The following CHTOP variants were observed in gnomAD, a reference collection of about 807,000 sequenced individuals.
CHTOP encodes chromatin target of PRMT1 protein.
Under a neutral mutation model 33.6 loss-of-function variants are expected in CHTOP, and 18 were observed. That is an observed-to-expected ratio of 0.54 (90% CI 0.37 to 0.80). The LOEUF is 0.80. Ranked by LOEUF, CHTOP falls within the 30% of genes least tolerant of loss-of-function variation. The probability of loss-of-function intolerance (pLI) is 0.00; values close to 1 mark genes in which losing one functional copy is unlikely to be tolerated. For synonymous variants in CHTOP, 117 were observed against 127.7 expected (o/e 0.92, Z 0.56); for missense variants, 263 against 336.8 (o/e 0.78, Z 1.71).
chr1:153,644,920 T>C, intron 5 of CHTOP, 144 bp from the exon 6 acceptor site: 2 of 661,834 alleles, frequency 3.0e-6, no homozygotes, highest in Non-Finnish European at 2.5e-6. Flanking sequence ...CCATTGTGTT[T>C]CCTTTTTTTC....
intron 3 of CHTOP, among the ~76,000 whole-genome samples, chr1:153,639,029 C>G (rs959422399): frequency 6.6e-6 from 1 of 152,010 alleles, no homozygotes; most frequent in Non-Finnish European, 1.5e-5. Flanking sequence ...TAAAGGTGCC[C>G]GCCACCACAC....
chr1:153,635,489 CATAT>C (rs1668342782), intron 1 of CHTOP, among the ~76,000 whole-genome samples: 1 of 151,268 alleles, frequency 6.6e-6, no homozygotes, highest in African/African-American at 2.4e-5. Flanking sequence ...TTGGATAAGT[CATAT>C]GTAGTCAAGG....
chr1:153,644,110 C>A (rs1668718770), intron 5 of CHTOP: 1 of 152,162 alleles, frequency 6.6e-6, no homozygotes, highest in Non-Finnish European at 1.5e-5. Flanking sequence ...ACTATTGAAG[C>A]CCCTGTGTAT....
intron 3 of CHTOP, among the ~76,000 whole-genome samples, chr1:153,640,736 A>G (rs1399242299): frequency 1.3e-5 from 2 of 152,194 alleles, no homozygotes; most frequent in Non-Finnish European, 2.9e-5. Context: ...GTGTCACTGC[A>G]CTTCAGCCTG....
chr1:153,639,478 C>T, intron 3 of CHTOP: 2 of 790,610 alleles, frequency 2.5e-6, no homozygotes, highest in Non-Finnish European at 3.1e-6. Context: ...CATTGCATGG[C>T]TATGCATAAA....
intron 1 of CHTOP, among the ~76,000 whole-genome samples, chr1:153,635,844 C>T (rs566387167): frequency 6.6e-6 from 1 of 151,820 alleles, no homozygotes; most frequent in Non-Finnish European, 1.5e-5. Context: ...AAGCCAGACT[C>T]CATACTTTGA....
chr1:153,636,314 T>TGGG (rs937757801), intron 1 of CHTOP, among the ~76,000 whole-genome samples: 2 of 148,106 alleles, frequency 1.4e-5, no homozygotes, highest in African/African-American at 5.0e-5. Flanking sequence ...ATCCCAACAC[T>TGGG]GGGAGGCCAA....
intron 1 of CHTOP, among the ~76,000 whole-genome samples, chr1:153,634,870 G>A (rs960095635): frequency 6.7e-6 from 1 of 149,672 alleles, no homozygotes; most frequent in Non-Finnish European, 1.5e-5. Flanking sequence ...TTTTTTGGGG[G>A]GGGACGGAGT....
chr1:153,643,332 G>A lies in CHTOP; in HGVS notation c.509G>A (p.Gly170Glu), dbSNP rs756797496. 6.2e-7 allele frequency: 1 copy of A among 1,606,730 alleles called. No individual in the cohort carries two copies. Among genetic ancestry groups the A allele is most frequent in the Non-Finnish European group, 8.5e-7 (1 of 1,176,748 alleles). Residue 170 changes from glycine to glutamate, a missense_variant, in exon 5 of 6, where the codon GGA becomes GAA. Gly to Glu is a moderately conservative substitution (Grantham distance 98). Around this residue, in one of 3 missense-constraint regions of CHTOP, gnomAD observed 168 missense variants for 179.9 expected, o/e 0.93. Coordinates refer to ENST00000368694, the MANE Select transcript of CHTOP (RefSeq NM_015607.4). ...GGPGRGGLGR[G>E]AMGRGGIGGR... ...CCTGGGAGAGGGGGCCTAGGGCGTG[G>A]AGCTATGGGTCGTGGCGGAATCGGT...
rs1468681591 is a variant in CHTOP at position 153,645,150 on chromosome 1, G to T, written c.628G>T (p.Val210Leu). 2 of 1,613,976 alleles carry T rather than the reference G, an allele frequency of 1.2e-6. No homozygotes were observed. The highest frequency in any genetic ancestry group is 1.3e-5 in the African/African-American group (1 of 74,858). ...GRGRGALARP[V>L]LTKEQLDNQL... Reference sequence around the variant, plus strand: ...AGGGAGAGGTGCCCTTGCTCGCCCTGTATTGACCAAGGAGCAGCTGGACAA... The same window carrying T: ...AGGGAGAGGTGCCCTTGCTCGCCCTTTATTGACCAAGGAGCAGCTGGACAA... The change falls in exon 6 of 6, where the codon GTA becomes TTA. Residue 210 changes from valine (V) to leucine (L), a missense_variant. By Grantham distance (32) the Val-to-Leu change is conservative. Coordinates refer to ENST00000368694, the MANE Select transcript of CHTOP (RefSeq NM_015607.4).
In CHTOP at chr1:153,646,259, G is replaced by A. The variant is rs1396108537; in HGVS notation, c.*990G>A. ...TTCTGTCAACTGTTCAGTTTCAGTG[G>A]AATCTTGTATTTCTGGTTCATTATA... On this transcript the variant is annotated 3_prime_UTR_variant, in exon 6 of 6. Coordinates refer to ENST00000368694, the MANE Select transcript of CHTOP (RefSeq NM_015607.4). The A allele has an allele frequency of 6.6e-6, 1 of 152,102 alleles. No homozygotes were observed. Among genetic ancestry groups the A allele is most frequent in the Non-Finnish European group, 1.5e-5 (1 of 68,032 alleles). 9.4% of individuals were successfully genotyped at this position (152,102 alleles called of 1,614,324 possible). A position where few individuals can be genotyped will look rare whatever the true frequency, so the allele number is the denominator to read the frequency against.
chr1:153,645,437 G>T lies in CHTOP; in HGVS notation c.*168G>T, dbSNP rs756383639. On this transcript the variant is annotated 3_prime_UTR_variant, in exon 6 of 6. Transcript: ENST00000368694. Reference sequence around the variant, plus strand: ...ATTTAGTGTGTTCCTTTTACTTTTTGATACTGTGTTGTATGAAACCCTTTT... The same window carrying T: ...ATTTAGTGTGTTCCTTTTACTTTTTTATACTGTGTTGTATGAAACCCTTTT... 9.7e-5 allele frequency: 38 copies of T among 392,828 alleles called. No individual in the cohort carries two copies. The highest frequency in any genetic ancestry group is 1.6e-4 in the Non-Finnish European group (37 of 231,356). The allele number at this position is 392,828 out of a possible 1,614,324, so 24.3% of individuals were successfully genotyped here.
intron 3 of CHTOP, among the ~76,000 whole-genome samples, chr1:153,641,069 G>C (rs12564925): frequency 6.6e-6 from 1 of 152,078 alleles, no homozygotes; most frequent in East Asian, 1.9e-4. Context: ...AGGACAGGCC[G>C]TTACGGTTGG....
At chr1:153,637,499 T>TA (rs1357570473) in intron 2 of CHTOP, 1 of 152,040 alleles carries the variant, frequency 6.6e-6, no homozygotes, top group African/African-American at 2.4e-5. Context: ...AATAGAAAAA[T>TA]TAGCTGGGCG....
intron 3 of CHTOP, among the ~76,000 whole-genome samples, chr1:153,640,028 T>G (rs571460584): frequency 6.6e-6 from 1 of 152,216 alleles, no homozygotes; most frequent in Non-Finnish European, 1.5e-5. Flanking sequence ...CCTGCCTCAG[T>G]ATCCCAAAGT....
intron 3 of CHTOP, among the ~76,000 whole-genome samples, chr1:153,640,312 T>TAAA (rs540258023): frequency 8.5e-6 from 1 of 117,720 alleles, no homozygotes. Flanking sequence ...CCATCTCTAC[T>TAAA]AAAAAAAAAA....
intron 1 of CHTOP, among the ~76,000 whole-genome samples, chr1:153,635,801 G>A (rs1244869200): frequency 1.3e-5 from 2 of 150,460 alleles, no homozygotes; most frequent in East Asian, 2.0e-4. Context: ...CAGCCTGGGC[G>A]ACAGAGCCAG....
intron 1 of CHTOP, among the ~76,000 whole-genome samples, chr1:153,635,813 C>G (rs1668363787): frequency 6.7e-6 from 1 of 150,032 alleles, no homozygotes; most frequent in African/African-American, 2.5e-5. Flanking sequence ...CAGAGCCAGA[C>G]TCTGTCTCAA....
At chr1:153,635,287 G>A (rs1334957041) in intron 1 of CHTOP, among the ~76,000 whole-genome samples, 1 of 151,840 alleles carries the variant, frequency 6.6e-6, no homozygotes. Context: ...ATTGATCTAG[G>A]CCCAGATGTC....
Sources: allele counts gnomAD v4.1 joint callset (sites outside exome capture counted in the v4.1 genomes callset), GRCh38; gene constraint gnomAD v4.1.1; regional missense constraint gnomAD v4.1.1; transcripts MANE v1.5; gene names NCBI Gene and HGNC (gene_info 2026-07-23, HGNC 2026-07-21).